Variants in ZFPM2 observed in about 807,000 individuals in gnomAD.
ZFPM2 encodes the protein zinc finger protein, FOG family member 2.
In ZFPM2, 20 loss-of-function variants were observed where a neutral mutation model predicts 98.6. The ratio of observed to expected loss-of-function variants is 0.20; its 90% CI spans 0.14 to 0.29. The LOEUF is 0.29. Ranked by LOEUF, ZFPM2 falls within the 10% of genes least tolerant of loss-of-function variation. ZFPM2 has a pLI of 1.00. For synonymous variants in ZFPM2, 518 were observed against 502.7 expected (o/e 1.03, Z -0.41); for missense variants, 1,310 against 1,388.6 (o/e 0.94, Z 0.90).
intron 5 of ZFPM2, among the ~76,000 whole-genome samples, chr8:105,714,049 A>G (rs1811463065): frequency 6.6e-6 from 1 of 152,100 alleles, no homozygotes; most frequent in African/African-American, 2.4e-5. Context: ...TGTTTTGGGC[A>G]GTATGGACAT....
chr8:105,796,898 C>G (rs572912773), intron 6 of ZFPM2: 2 of 152,200 alleles, frequency 1.3e-5, no homozygotes, highest in Non-Finnish European at 2.9e-5. Context: ...TGAGTTTGCA[C>G]AATACAAGGT....
In ZFPM2 at chr8:105,584,013, C is replaced by A. The variant is rs919033429; in HGVS notation, c.420+22532C>A. The stretch of plus-strand genomic sequence containing the variant: ...ATTTTTCTGCTTTATTAAAAAAATT[C>A]CTCATGAAATAAAATGGTTTATCGT... On this transcript the variant is annotated intron_variant, in intron 4 of 7. Coordinates refer to ENST00000407775, the MANE Select transcript of ZFPM2 (RefSeq NM_012082.4). 2.6e-5 allele frequency among the ~76,000 whole-genome samples: 4 copies of A among 152,000 alleles called. No individual in the cohort carries two copies. In the South Asian group the frequency reaches 8.3e-4, roughly 32 times the overall value.
chr8:105,595,883 T>C (rs2130774183), intron 4 of ZFPM2, among the ~76,000 whole-genome samples: 1 of 151,890 alleles, frequency 6.6e-6, no homozygotes, highest in East Asian at 1.9e-4. Flanking sequence ...AATTTCAAAA[T>C]AGAATAATAT....
chr8:105,739,912 T>C (rs952765292), intron 5 of ZFPM2, among the ~76,000 whole-genome samples: 1 of 152,022 alleles, frequency 6.6e-6, no homozygotes, highest in African/African-American at 2.4e-5. Flanking sequence ...GGTTGAATTT[T>C]TGTGTTTCTC....
At chr8:105,375,089 C>G (rs1016200183) in intron 1 of ZFPM2, among the ~76,000 whole-genome samples, 1 of 152,108 alleles carries the variant, frequency 6.6e-6, no homozygotes, top group Admixed American at 6.6e-5. Context: ...TAATTTGTGA[C>G]TATTATTTGA....
intron 5 of ZFPM2, among the ~76,000 whole-genome samples, chr8:105,688,508 G>T (rs1342318905): frequency 1.3e-5 from 2 of 151,982 alleles, no homozygotes; most frequent in Non-Finnish European, 2.9e-5. Flanking sequence ...AAACTTTTGG[G>T]TGGAAGAAAT....
chr8:105,424,978 A>G (rs989600655), intron 2 of ZFPM2, among the ~76,000 whole-genome samples: 2 of 152,204 alleles, frequency 1.3e-5, no homozygotes, highest in East Asian at 1.9e-4. Context: ...TTTCATAAAG[A>G]GCGATGGGGA....
At chr8:105,474,791 T>A (rs1812980133) in intron 3 of ZFPM2, among the ~76,000 whole-genome samples, 1 of 152,178 alleles carries the variant, frequency 6.6e-6, no homozygotes, top group Admixed American at 6.5e-5. Flanking sequence ...AGTGATTGTG[T>A]GGAGACTGTG....
chr8:105,670,008 G>A (rs945173667), intron 5 of ZFPM2: 23 of 152,272 alleles, frequency 1.5e-4, no homozygotes, highest in South Asian at 1.0e-3. Context: ...TGACATTAGC[G>A]AAGAATGACA....
At chr8:105,694,389 G>T (rs1586202830) in intron 5 of ZFPM2, among the ~76,000 whole-genome samples, 1 of 152,030 alleles carries the variant, frequency 6.6e-6, no homozygotes, top group East Asian at 1.9e-4. Context: ...TCACAATTAT[G>T]ATTTTTTTAA....
chr8:105,419,344 A>G, intron 2 of ZFPM2, 42 bp downstream of exon 2: 1 of 1,584,588 alleles, frequency 6.3e-7, no homozygotes, highest in Non-Finnish European at 8.5e-7. Context: ...GTCCACTTAA[A>G]TGATTTTGTA....
At chr8:105,632,368 C>A (rs988788007) in intron 4 of ZFPM2, among the ~76,000 whole-genome samples, 2 of 152,152 alleles carry the variant, frequency 1.3e-5, no homozygotes, top group Admixed American at 6.5e-5. Context: ...CGGGATTTCA[C>A]TATGTTGGCC....
At chr8:105,725,943 G>C (rs1586222425) in intron 5 of ZFPM2, among the ~76,000 whole-genome samples, 1 of 151,386 alleles carries the variant, frequency 6.6e-6, no homozygotes, top group East Asian at 2.1e-4. Flanking sequence ...ATGGGAAACA[G>C]TGTTCTGGTC....
At position 105,561,258 on chromosome 8, in the gene ZFPM2, A is replaced by C. The variant is rs900837355; in HGVS notation, c.302-105A>C. On this transcript the variant is annotated intron_variant, in intron 3 of 7. Transcript: ENST00000407775. ...GACAAGCATAATTAATTCTCTTTAT[A>C]TGAATCCTGAGAATATCATGTGTGT... The C allele has an allele frequency of 4.7e-6, 4 of 847,480 alleles. No homozygotes were observed. In the African/African-American group the frequency reaches 6.8e-5, roughly 14 times the overall value. The allele number at this position is 847,480 out of a possible 1,614,324, so 52.5% of individuals were successfully genotyped here.
chr8:105,516,928 C>T (rs1813936044), intron 3 of ZFPM2, among the ~76,000 whole-genome samples: 1 of 152,186 alleles, frequency 6.6e-6, no homozygotes, highest in African/African-American at 2.4e-5. Context: ...AAAATGCCAA[C>T]TCATGTCTTT....
chr8:105,680,655 T>G (rs565041798), intron 5 of ZFPM2, among the ~76,000 whole-genome samples: 1 of 152,272 alleles, frequency 6.6e-6, no homozygotes, highest in East Asian at 1.9e-4. Flanking sequence ...GGTCAGTCAG[T>G]GATATTTTGG....
chr8:105,749,504 G>A (rs1812428025), intron 5 of ZFPM2, among the ~76,000 whole-genome samples: 2 of 152,038 alleles, frequency 1.3e-5, no homozygotes, highest in South Asian at 4.1e-4. Context: ...GCTTTGAGAA[G>A]CTGTAGCCCC....
intron 5 of ZFPM2, among the ~76,000 whole-genome samples, chr8:105,643,645 G>T (rs58498975): frequency 0.13 from 20,057 of 152,140 alleles, 1,350 homozygotes; most frequent in South Asian, 0.21. Flanking sequence ...GCTGATCAGT[G>T]TTATGTTACT....
chr8:105,627,011 C>T (rs1816670595), intron 4 of ZFPM2, among the ~76,000 whole-genome samples: 1 of 152,158 alleles, frequency 6.6e-6, no homozygotes, highest in Admixed American at 6.6e-5. Flanking sequence ...CTTTCTAACC[C>T]TCCTTTTGGA....
Sources: gnomAD v4.1 joint callset for allele counts (sites outside exome capture counted in the v4.1 genomes callset) on GRCh38, gnomAD v4.1.1 for gene constraint, MANE v1.5 for transcripts, NCBI Gene and HGNC (gene_info 2026-07-23, HGNC 2026-07-21) for gene names.